The following MTMR7 variants were observed in gnomAD, a reference collection of about 807,000 sequenced individuals.
MTMR7 encodes myotubularin related protein 7.
A neutral mutation model predicts 81.2 loss-of-function variants in MTMR7; 76 were observed. The ratio of observed to expected loss-of-function variants is 0.94; its 90% CI spans 0.78 to 1.13. The LOEUF (loss-of-function observed/expected upper bound fraction) is 1.13, where lower values mean the gene tolerates loss of function less well. Among genes scored for constraint, MTMR7 ranks in the 50% most tolerant of loss-of-function variants. The pLI is 0.00. For synonymous variants in MTMR7, 372 were observed against 289.8 expected, an observed-to-expected ratio of 1.28 and a Z score of -2.88; for missense variants, 1,044 against 820.0, an observed-to-expected ratio of 1.27 and a Z score of -3.34.
At chr8:17,324,809 A>G (rs55846914) in intron 7 of MTMR7, among the ~76,000 whole-genome samples, 21,567 of 152,068 alleles carry the variant, frequency 0.14, 1,995 homozygotes, top group African/African-American at 0.26. Flanking sequence ...AAATGACTAG[A>G]TTTTCAGGTT....
chr8:17,309,696 A>G (rs1456232587), intron 9 of MTMR7, among the ~76,000 whole-genome samples: 2 of 152,206 alleles, frequency 1.3e-5, no homozygotes, highest in Non-Finnish European at 2.9e-5. Context: ...GCCCAAGATC[A>G]TGCTACTAGG....
chr8:17,332,788 T>C (rs1429669610), intron 6 of MTMR7, among the ~76,000 whole-genome samples: 1 of 152,232 alleles, frequency 6.6e-6, no homozygotes, highest in African/African-American at 2.4e-5. Context: ...ATAATATTCA[T>C]ACAATCATCC....
rs907768542 is a variant in MTMR7, at chr8:17,408,822, G to C, written c.24+4447C>G. Among the ~76,000 whole-genome samples, 17 of 152,240 alleles carry C rather than the reference G, an allele frequency of 1.1e-4. No individual in the cohort carries two copies. In the East Asian group the frequency reaches 2.7e-3, roughly 24 times the overall value. Reference sequence around the variant, plus strand: ...TGGGTAACTTGATGGGCATCATCAAGTTTAACTACTAATGGGCTAACTACT... The same window carrying C: ...TGGGTAACTTGATGGGCATCATCAACTTTAACTACTAATGGGCTAACTACT... On this transcript the variant is annotated intron_variant, in intron 1 of 13. Transcript: ENST00000180173.
intron 5 of MTMR7, among the ~76,000 whole-genome samples, chr8:17,344,394 C>G (rs1819494712): frequency 6.6e-6 from 1 of 152,162 alleles, no homozygotes; most frequent in Non-Finnish European, 1.5e-5. Context: ...GGTGCATCAC[C>G]TGAGGTCAGC....
At chr8:17,391,973 G>A (rs1821122895) in intron 1 of MTMR7, among the ~76,000 whole-genome samples, 1 of 152,070 alleles carries the variant, frequency 6.6e-6, no homozygotes. Context: ...AGGGCACTAG[G>A]AAAAATAGTT....
chr8:17,371,583 G>C lies in MTMR7; in HGVS notation c.148-384C>G, dbSNP rs543948250. Among the ~76,000 whole-genome samples, 10 of 152,264 alleles carry C rather than the reference G, an allele frequency of 6.6e-5. 2 individuals are homozygous for C. Among genetic ancestry groups the C allele is most frequent in the African/African-American group, 2.4e-4 (10 of 41,552 alleles). On this transcript the variant is annotated intron_variant, in intron 2 of 13. Transcript: ENST00000180173. ...CTGCAGTCAACACAAGTTAGAGATG[G>C]CTCCGCTGGGAGGTGCCACCATGCT...
At chr8:17,347,082 G>A (rs1436571072) in intron 5 of MTMR7, among the ~76,000 whole-genome samples, 2 of 151,260 alleles carry the variant, frequency 1.3e-5, no homozygotes, top group South Asian at 2.1e-4. Flanking sequence ...TGGTCCCAGT[G>A]ACTCGGGAGG....
At chr8:17,321,306 C>T (rs1176838383) in intron 7 of MTMR7, among the ~76,000 whole-genome samples, 1 of 152,210 alleles carries the variant, frequency 6.6e-6, no homozygotes, top group Non-Finnish European at 1.5e-5. Flanking sequence ...AGAGAATGTC[C>T]CCACGCTTCT....
intron 7 of MTMR7, among the ~76,000 whole-genome samples, chr8:17,325,719 G>T (rs1818647719): frequency 6.6e-6 from 1 of 152,182 alleles, no homozygotes; most frequent in Non-Finnish European, 1.5e-5. Flanking sequence ...AATCATTTTT[G>T]ATGAACGTGC....
chr8:17,370,622 A>T (rs73565121), intron 3 of MTMR7, among the ~76,000 whole-genome samples: 4,059 of 151,612 alleles, frequency 0.027, 187 homozygotes, highest in African/African-American at 0.093. Flanking sequence ...ACCAAACCTT[A>T]AAAGCATCAA....
In MTMR7 at chr8:17,305,726, A is replaced by C. The variant is rs189125583; in HGVS notation, c.1352+31T>G. ...TCAGTCATCAAAATCTTTAAATAAA[A>C]GTTAAACACCAAAAACACCAAAACA... is the stretch of plus-strand genomic sequence containing the variant. On this transcript the variant is annotated intron_variant, in intron 11 of 13. Transcript: ENST00000180173. 5.4e-4 allele frequency: 834 copies of C among 1,554,030 alleles called. 9 individuals are homozygous for C. In the African/African-American group the frequency reaches 0.01, roughly 19 times the overall value.
At chr8:17,376,818 A>T (rs990775577) in intron 1 of MTMR7, among the ~76,000 whole-genome samples, 1 of 152,112 alleles carries the variant, frequency 6.6e-6, no homozygotes, top group Non-Finnish European at 1.5e-5. Flanking sequence ...TTGATTTTTT[A>T]AAATCAGAAG....
chr8:17,369,069 C>T (rs955172935), intron 3 of MTMR7, among the ~76,000 whole-genome samples: 8 of 152,226 alleles, frequency 5.3e-5, no homozygotes, highest in African/African-American at 1.4e-4. Flanking sequence ...TTTCCCAGTT[C>T]GCTGGGCTAT....
intron 1 of MTMR7, among the ~76,000 whole-genome samples, chr8:17,393,417 A>G (rs909695743): frequency 2.6e-5 from 4 of 152,220 alleles, no homozygotes; most frequent in African/African-American, 9.6e-5. Context: ...TGTATTTCAA[A>G]GATAACAATG....
At chr8:17,333,439 T>C (rs562929360) in intron 6 of MTMR7, among the ~76,000 whole-genome samples, 88 of 152,360 alleles carry the variant, frequency 5.8e-4, no homozygotes, top group African/African-American at 2.0e-3. Flanking sequence ...ATAAAATTAA[T>C]AGGAGATTTG....
intron 7 of MTMR7, 52 bp from the exon 8 acceptor site, chr8:17,313,453 ACATATGAT>A: frequency 1.7e-6 from 2 of 1,166,492 alleles, no homozygotes; most frequent in Non-Finnish European, 2.5e-6. Flanking sequence ...CTCTCATTTT[ACATATGAT>A]CATGTTTTAT....
chr8:17,408,931 A>G (rs1349496938), intron 1 of MTMR7, among the ~76,000 whole-genome samples: 1 of 152,074 alleles, frequency 6.6e-6, no homozygotes, highest in African/African-American at 2.4e-5. Flanking sequence ...TACTAAAACC[A>G]CTGAATTGTG....
chr8:17,318,845 C>A (rs565548472), intron 7 of MTMR7, among the ~76,000 whole-genome samples: 1 of 152,322 alleles, frequency 6.6e-6, no homozygotes, highest in Admixed American at 6.5e-5. Context: ...CCTCTCCAGC[C>A]CCTGCTGCAG....
At chr8:17,309,204 A>G (rs1287093401) in intron 10 of MTMR7, 73 bp downstream of exon 10, 15 of 1,050,562 alleles carry the variant, frequency 1.4e-5, no homozygotes, top group Non-Finnish European at 2.0e-5. Context: ...ATTTTCCCCT[A>G]AATATTCAAT....
Sources: allele counts gnomAD v4.1 joint callset (sites outside exome capture counted in the v4.1 genomes callset), GRCh38; gene constraint gnomAD v4.1.1; transcripts MANE v1.5; gene names NCBI Gene and HGNC (gene_info 2026-07-23, HGNC 2026-07-21).